Variants in RXFP1 observed in about 807,000 individuals in gnomAD.
RXFP1 encodes the protein relaxin family peptide receptor 1, also known as relaxin receptor 1.
Under a neutral mutation model 89.8 loss-of-function variants are expected in RXFP1, and 73 were observed. The ratio of observed to expected loss-of-function variants is 0.81; its 90% CI spans 0.67 to 0.99. The LOEUF is 0.99. Ranked by LOEUF, RXFP1 falls within the 50% of genes least tolerant of loss-of-function variation. RXFP1 has a pLI of 0.00. For synonymous variants in RXFP1, 277 were observed against 305.5 expected (o/e 0.91, Z 0.97); for missense variants, 793 against 895.5 (o/e 0.89, Z 1.46).
At chr4:158,528,220 C>T (rs966916398) in intron 1 of RXFP1, among the ~76,000 whole-genome samples, 3 of 151,984 alleles carry the variant, frequency 2.0e-5, no homozygotes, top group Non-Finnish European at 2.9e-5. Flanking sequence ...TAGAGTAAGG[C>T]GGGGGGCAGT....
At chr4:158,645,259 G>A in intron 15 of RXFP1, 121 bp downstream of exon 15, 1 of 703,264 alleles carries the variant, frequency 1.4e-6, no homozygotes, top group East Asian at 2.7e-5. Context: ...CTTTTTGCTT[G>A]TATGCTGTTT....
In RXFP1 at chr4:158,650,629, G is replaced by T. The variant is rs372340287; in HGVS notation, c.1976-1128G>T. On this transcript the variant is annotated intron_variant, in intron 17 of 17. Coordinates refer to ENST00000307765, the MANE Select transcript of RXFP1 (RefSeq NM_021634.4). The stretch of plus-strand genomic sequence containing the variant: ...ACTCAAAATACAAAAATTTAGCTGC[G>T]CCTGGTGGCATGCACTTGTAGTCCC... 5.3e-5 allele frequency among the ~76,000 whole-genome samples: 8 copies of T among 151,858 alleles called. No homozygotes were observed. In the East Asian group the frequency reaches 9.7e-4, roughly 18 times the overall value.
chr4:158,608,279 CTTTTTTTTTTTT>C (rs756131500), intron 6 of RXFP1, among the ~76,000 whole-genome samples: 11 of 76,102 alleles, frequency 1.4e-4, no homozygotes, highest in East Asian at 9.9e-4. Context: ...GTATTCCTTT[CTTTTTTTTTTTT>C]TTTTTTTTTT....
chr4:158,594,435 G>A (rs1760135046), intron 3 of RXFP1, among the ~76,000 whole-genome samples: 1 of 151,844 alleles, frequency 6.6e-6, no homozygotes. Flanking sequence ...TTGTGGTGGT[G>A]TATGAATTAT....
In RXFP1 at chr4:158,572,854, G is replaced by A; in HGVS notation, c.187+19G>A. The A allele has an allele frequency of 1.2e-6, 2 of 1,613,548 alleles. No homozygotes were observed. Among genetic ancestry groups the A allele is most frequent in the Non-Finnish European group, 8.5e-7 (1 of 1,179,636 alleles). On this transcript the variant is annotated intron_variant, in intron 2 of 17. Transcript: ENST00000307765. ...AACTGTGGTGAGTGAAGCCCCTGCA[G>A]TCACGGTGAGAGAAAGGAGCAGAAA...
chr4:158,638,001 A>T lies in RXFP1; in HGVS notation c.972-7A>T, dbSNP rs1235651201. Reference sequence around the variant, plus strand: ...AATGACCTATTGCTGCTTTTTTTAAAAAACAGGAATCTTTCCTATAATCCA... The same window carrying T: ...AATGACCTATTGCTGCTTTTTTTAATAAACAGGAATCTTTCCTATAATCCA... On this transcript the variant is annotated splice_region_variant and splice_polypyrimidine_tract_variant and intron_variant, in intron 12 of 17. Transcript: ENST00000307765. 2 of 1,574,608 alleles carry T rather than the reference A, an allele frequency of 1.3e-6. No individual in the cohort carries two copies. The highest frequency in any genetic ancestry group is 1.1e-5 in the South Asian group (1 of 89,244).
At chr4:158,560,137 T>C in intron 1 of RXFP1, among the ~76,000 whole-genome samples, 1 of 152,194 alleles carries the variant, frequency 6.6e-6, no homozygotes, top group East Asian at 1.9e-4. Context: ...GACCATCCTA[T>C]TACACTGAGC....
At chr4:158,627,948 G>T (rs1767232886) in intron 10 of RXFP1, among the ~76,000 whole-genome samples, 2 of 152,138 alleles carry the variant, frequency 1.3e-5, no homozygotes, top group Admixed American at 1.3e-4. Flanking sequence ...CTCTTGGCAG[G>T]TGTTGTGCTT....
chr4:158,540,518 A>T (rs758389753), intron 1 of RXFP1, among the ~76,000 whole-genome samples: 1 of 151,580 alleles, frequency 6.6e-6, no homozygotes, highest in Admixed American at 6.6e-5. Context: ...TCTGTACCGC[A>T]ACCTGTTTTA....
At chr4:158,609,409 A>T (rs1023400969) in intron 6 of RXFP1, among the ~76,000 whole-genome samples, 12 of 150,434 alleles carry the variant, frequency 8.0e-5, no homozygotes, top group East Asian at 1.9e-4. Context: ...TGCTTCTTTT[A>T]AAAAAAAAGG....
Position 158,593,438 on chromosome 4 carries a change from T to A in RXFP1, c.225T>A (p.Tyr75Ter). ...NNGWSLQFDK[Y>*]FASYYKMTSQ... ...GATGGTCTCTGCAATTTGACAAATA[T>A]TTTGCCAGTTACTACAAAATGACTT... is the stretch of plus-strand genomic sequence containing the variant. The change falls in exon 3 of 18, where the codon TAT (tyrosine) becomes TAA (stop). Residue 75 changes from tyrosine (Y) to a stop codon, truncating the protein, a stop_gained. Transcript: ENST00000307765. LOFTEE classifies it high-confidence loss of function. 6.2e-7 allele frequency: 1 copy of A among 1,612,244 alleles called. No individual in the cohort carries two copies. The highest frequency in any genetic ancestry group is 2.2e-5 in the East Asian group (1 of 44,754).
chr4:158,606,868 C>A (rs1214557320), intron 5 of RXFP1, among the ~76,000 whole-genome samples: 1 of 152,040 alleles, frequency 6.6e-6, no homozygotes. Context: ...GCATAACCCA[C>A]TTCACCCAGC....
chr4:158,572,660 C>T, intron 1 of RXFP1, 38 bp from the exon 2 acceptor site: 1 of 1,595,718 alleles, frequency 6.3e-7, no homozygotes, highest in Non-Finnish European at 8.6e-7. Flanking sequence ...TTTGTATTAA[C>T]CACCTTCAAA....
rs568514945 is a variant in RXFP1 at position 158,588,293 on chromosome 4, G to A, written c.188-5108G>A. Among the ~76,000 whole-genome samples the A allele has an allele frequency of 1.8e-4, 27 of 152,108 alleles. 1 individual carries two copies. The Middle Eastern group carries it at 0.01, about 57-fold the overall frequency. On this transcript the variant is annotated intron_variant, in intron 2 of 17. Coordinates refer to ENST00000307765, the MANE Select transcript of RXFP1 (RefSeq NM_021634.4). ...CTAAATGTCTAATCATTGTTCCGCC[G>A]TACTTTAATCCAATGATTCAGTCAG... is the stretch of plus-strand genomic sequence containing the variant.
At chr4:158,629,806 T>C (rs1767681725) in intron 11 of RXFP1, among the ~76,000 whole-genome samples, 1 of 152,008 alleles carries the variant, frequency 6.6e-6, no homozygotes, top group African/African-American at 2.4e-5. Context: ...TTTTTATTTT[T>C]TGTAGAGACA....
intron 1 of RXFP1, among the ~76,000 whole-genome samples, chr4:158,553,028 A>T (rs773786721): frequency 1.3e-5 from 2 of 152,110 alleles, no homozygotes; most frequent in Non-Finnish European, 2.9e-5. Flanking sequence ...CTACAAAAAT[A>T]AAAATTAAAA....
intron 9 of RXFP1, among the ~76,000 whole-genome samples, chr4:158,622,675 TAGAAAC>T (rs1206161758): frequency 2.0e-5 from 3 of 152,108 alleles, no homozygotes; most frequent in Non-Finnish European, 2.9e-5. Flanking sequence ...GTTGAACACA[TAGAAAC>T]AGAGTAGAAT....
intron 1 of RXFP1, among the ~76,000 whole-genome samples, chr4:158,542,092 TATATATATATATATA>T (rs1746843724): frequency 2.7e-5 from 1 of 37,146 alleles, no homozygotes; most frequent in East Asian, 1.1e-3. Context: ...TATATATATA[TATATATATATATATA>T]TATTTTTTTT....
chr4:158,537,644 C>G (rs1340053882), intron 1 of RXFP1, among the ~76,000 whole-genome samples: 2 of 152,154 alleles, frequency 1.3e-5, no homozygotes, highest in East Asian at 3.9e-4. Flanking sequence ...TCCTTTCCTT[C>G]AACTAATTTT....
Sources: gnomAD v4.1 joint callset for allele counts (sites outside exome capture counted in the v4.1 genomes callset) on GRCh38, gnomAD v4.1.1 for gene constraint, MANE v1.5 for transcripts, NCBI Gene and HGNC (gene_info 2026-07-23, HGNC 2026-07-21) for gene names.